Variants in KCTD3 observed in about 807,000 individuals in gnomAD.
KCTD3 encodes potassium channel tetramerization domain containing 3.
KCTD3 carries 41 observed loss-of-function variants against 85.8 expected under a neutral mutation model. That is an observed-to-expected ratio of 0.48 (90% confidence interval 0.37 to 0.62). The LOEUF is 0.62. Among genes scored for constraint, KCTD3 ranks in the 20% least tolerant of loss-of-function variants. KCTD3 has a pLI of 0.00. For missense variants in KCTD3, 724 were observed against 989.9 expected, an observed-to-expected ratio of 0.73 and a Z score of 3.60; for synonymous variants, 338 against 345.4, an observed-to-expected ratio of 0.98 and a Z score of 0.24.
At chr1:215,596,487 G>A (rs1660420676) in intron 10 of KCTD3, among the ~76,000 whole-genome samples, 1 of 151,562 alleles carries the variant, frequency 6.6e-6, no homozygotes, top group African/African-American at 2.4e-5. Flanking sequence ...TTAGAACTCT[G>A]GGGGAACATT....
chr1:215,618,820 G>T, intron 15 of KCTD3, 66 bp from the exon 16 acceptor site: 11 of 1,202,204 alleles, frequency 9.1e-6, no homozygotes, highest in Admixed American at 2.6e-5. Flanking sequence ...TGTCTTTTTA[G>T]TTTCATAGCT....
intron 1 of KCTD3, among the ~76,000 whole-genome samples, chr1:215,568,562 C>G (rs1365268568): frequency 1.5e-5 from 2 of 136,204 alleles, no homozygotes; most frequent in Non-Finnish European, 3.0e-5. Context: ...TGTGGATTTC[C>G]TATAACTTAT....
intron 10 of KCTD3, among the ~76,000 whole-genome samples, chr1:215,596,492 A>C (rs917752083): frequency 1.1e-4 from 17 of 152,146 alleles, no homozygotes; most frequent in Non-Finnish European, 7.4e-5. Context: ...ACTCTGGGGG[A>C]ACATTAGCAT....
intron 8 of KCTD3, 85 bp from the exon 9 acceptor site, chr1:215,586,410 G>A (rs1660011140): frequency 9.2e-7 from 1 of 1,085,938 alleles, no homozygotes; most frequent in African/African-American, 1.6e-5. Context: ...TTTTGTTGTT[G>A]TTTTTTGTTT....
chr1:215,620,633 G>GA lies in KCTD3; in HGVS notation c.*17dup, dbSNP rs756463628. The GA allele has an allele frequency of 1.4e-5, 22 of 1,519,916 alleles. No individual in the cohort carries two copies. In the East Asian group the frequency reaches 5.0e-4, roughly 35 times the overall value. 94.2% of individuals were successfully genotyped at this position (1,519,916 alleles called of 1,614,324 possible). On this transcript the variant is annotated 3_prime_UTR_variant, in exon 18 of 18. Transcript: ENST00000259154. ...ACAGCTTGTGAAAACTCACCAAAAT[G>GA]AATAGTTGTTTCGTTACATTTAGAT... is the stretch of plus-strand genomic sequence containing the variant.
At chr1:215,619,637 A>G (rs1027379526) in intron 17 of KCTD3, among the ~76,000 whole-genome samples, 3 of 152,208 alleles carry the variant, frequency 2.0e-5, no homozygotes, top group African/African-American at 7.2e-5. Context: ...GACAATATTT[A>G]TCTGTGGTTC....
intron 10 of KCTD3, among the ~76,000 whole-genome samples, chr1:215,600,939 A>ATT (rs751359094): frequency 4.9e-5 from 7 of 142,492 alleles, no homozygotes; most frequent in Admixed American, 1.4e-4. Context: ...TAGCAAACAC[A>ATT]TTTTTTTTTT....
chr1:215,603,168 T>C (rs1047275040), intron 12 of KCTD3, among the ~76,000 whole-genome samples: 7 of 152,114 alleles, frequency 4.6e-5, no homozygotes, highest in African/African-American at 1.7e-4. Flanking sequence ...TTAAATCTAG[T>C]TAAAAGGCAG....
chr1:215,585,444 A>G (rs61830035), intron 8 of KCTD3, among the ~76,000 whole-genome samples: 1 of 152,150 alleles, frequency 6.6e-6, no homozygotes, highest in Admixed American at 6.5e-5. Context: ...AATGAAGTTG[A>G]TGTATTTTTA....
Position 215,586,346 on chromosome 1 carries a change from A to G in KCTD3, c.627-149A>G, listed in dbSNP as rs1330538547. The G allele has an allele frequency of 1.9e-5, 12 of 642,728 alleles. No individual in the cohort carries two copies. The East Asian group carries it at 3.3e-4, about 18-fold the overall frequency. The allele number at this position is 642,728 out of a possible 1,614,324, so 39.8% of individuals were successfully genotyped here. A position where few individuals can be genotyped will look rare whatever the true frequency, so the allele number is the denominator to read the frequency against. On this transcript the variant is annotated intron_variant, in intron 8 of 17. Transcript: ENST00000259154. ...CTTCATAGGCAATATAGATCAACAA[A>G]ATTTTATTTGTAATAGGAAGGTGGA...
At chr1:215,582,048 C>G (rs772336622) in intron 8 of KCTD3, among the ~76,000 whole-genome samples, 1 of 152,194 alleles carries the variant, frequency 6.6e-6, no homozygotes, top group Non-Finnish European at 1.5e-5. Context: ...CTTCTATTAA[C>G]GAAGAGTAGT....
chr1:215,601,136 C>T (rs1272816587), intron 10 of KCTD3, among the ~76,000 whole-genome samples: 2 of 143,254 alleles, frequency 1.4e-5, no homozygotes, highest in Non-Finnish European at 3.0e-5. Context: ...AGGGTTTCAC[C>T]GTGTTAGCTA....
intron 9 of KCTD3, 33 bp from the exon 10 acceptor site, chr1:215,595,323 G>T: frequency 1.5e-6 from 2 of 1,311,792 alleles, no homozygotes; most frequent in Non-Finnish European, 1.1e-6. Context: ...AATGGTGACT[G>T]ATTAACCTTT....
chr1:215,590,305 A>G (rs1222267447), intron 9 of KCTD3, among the ~76,000 whole-genome samples: 1 of 152,054 alleles, frequency 6.6e-6, no homozygotes, highest in Non-Finnish European at 1.5e-5. Flanking sequence ...CTTATTTGTA[A>G]ATGTTTTTTA....
intron 9 of KCTD3, 29 bp downstream of exon 9, chr1:215,586,714 T>A: frequency 6.4e-7 from 1 of 1,559,768 alleles, no homozygotes; most frequent in Non-Finnish European, 8.8e-7. Context: ...ATGTTGCAAT[T>A]TGATGATATT....
At chr1:215,587,662 A>G (rs927282407) in intron 9 of KCTD3, among the ~76,000 whole-genome samples, 1 of 152,150 alleles carries the variant, frequency 6.6e-6, no homozygotes, top group African/African-American at 2.4e-5. Context: ...CATTGTTTTG[A>G]TTGAAGTATA....
At chr1:215,613,022 T>C (rs1320671266) in intron 15 of KCTD3, among the ~76,000 whole-genome samples, 1 of 152,062 alleles carries the variant, frequency 6.6e-6, no homozygotes, top group African/African-American at 2.4e-5. Context: ...TCAGGAAGAA[T>C]AGCTAATGGA....
At chr1:215,611,315 G>GT (rs1381965901) in intron 14 of KCTD3, among the ~76,000 whole-genome samples, 1 of 151,674 alleles carries the variant, frequency 6.6e-6, no homozygotes, top group Admixed American at 6.6e-5. Flanking sequence ...TTGTGTGTGT[G>GT]TTTTTTTAAT....
chr1:215,617,076 T>C (rs1389615087), intron 15 of KCTD3, among the ~76,000 whole-genome samples: 2 of 152,136 alleles, frequency 1.3e-5, no homozygotes, highest in Non-Finnish European at 2.9e-5. Flanking sequence ...ATAAACTGAG[T>C]TCAGAGCGCT....
Sources: allele counts gnomAD v4.1 joint callset (sites outside exome capture counted in the v4.1 genomes callset), GRCh38; gene constraint gnomAD v4.1.1; transcripts MANE v1.5; gene names NCBI Gene and HGNC (gene_info 2026-07-23, HGNC 2026-07-21).